NRXN3: variants seen among roughly 807,000 people sequenced by gnomAD.
NRXN3 encodes neurexin 3.
A neutral mutation model predicts 137.6 loss-of-function variants in NRXN3; 32 were observed. The observed-to-expected ratio is 0.23, with a 90% CI of 0.18 to 0.31. The LOEUF is 0.31. Ranked by LOEUF, NRXN3 falls within the 10% of genes least tolerant of loss-of-function variation. NRXN3 has a pLI of 1.00. For synonymous variants in NRXN3, 798 were observed against 784.5 expected (o/e 1.02, Z -0.29); for missense variants, 1,574 against 2,062.5 (o/e 0.76, Z 4.59).
chr14:78,874,034 C>T (rs1015186097), intron 10 of NRXN3, among the ~76,000 whole-genome samples: 2 of 150,176 alleles, frequency 1.3e-5, no homozygotes, highest in South Asian at 2.1e-4. Context: ...TGCAGTGGCA[C>T]GATCTCAGCT....
intron 15 of NRXN3, among the ~76,000 whole-genome samples, chr14:79,136,255 A>G (rs2058215821): frequency 6.6e-6 from 1 of 152,178 alleles, no homozygotes; most frequent in Non-Finnish European, 1.5e-5. Flanking sequence ...ACATTCGTTC[A>G]TGTTCTTTGA....
chr14:78,171,330 G>C (rs1224623520), intron 1 of NRXN3, among the ~76,000 whole-genome samples: 2 of 145,622 alleles, frequency 1.4e-5, no homozygotes, highest in Non-Finnish European at 3.0e-5. Context: ...TGAAAAGGGA[G>C]TGTGTGTGTG....
intron 17 of NRXN3, among the ~76,000 whole-genome samples, chr14:79,673,665 C>T (rs925953597): frequency 1.1e-4 from 16 of 152,058 alleles, no homozygotes; most frequent in Non-Finnish European, 2.2e-4. Flanking sequence ...AACATTTGTT[C>T]CACATCTACT....
intron 8 of NRXN3, among the ~76,000 whole-genome samples, chr14:78,769,929 G>A (rs912797599): frequency 6.6e-6 from 1 of 151,782 alleles, no homozygotes; most frequent in African/African-American, 2.4e-5. Context: ...TGGAAACACA[G>A]GTTTTTGCTT....
chr14:78,297,853 T>A lies in NRXN3; in HGVS notation c.750T>A (p.Ser250Arg), dbSNP rs1199633404. ...CAGGCCTCTCCCACCTCATGATGAG[T>A]GAACAAGGTAGGTGCTTTGTGCTTG... ...QDPGLSHLMM[S>R]EQAREENVAT... The change falls in exon 4 of 21, where the codon AGT (serine) becomes AGA (arginine). Residue 250 changes from serine (S) to arginine (R), a missense_variant. Physicochemically the swap from Ser to Arg is moderately radical, Grantham distance 110. This residue lies in a region of NRXN3 where 400 missense variants were observed against 527.3 expected (regional missense o/e 0.76). Transcript: ENST00000335750. The A allele has an allele frequency of 1.2e-5, 19 of 1,536,306 alleles. No homozygotes were observed. Among genetic ancestry groups the A allele is most frequent in the Non-Finnish European group, 1.6e-5 (18 of 1,146,864 alleles).
chr14:78,406,973 A>G (rs1306177446), intron 4 of NRXN3, among the ~76,000 whole-genome samples: 1 of 152,176 alleles, frequency 6.6e-6, no homozygotes, highest in Non-Finnish European at 1.5e-5. Flanking sequence ...CTCGGGTCCT[A>G]AAAGTCAACA....
At chr14:79,351,188 G>A (rs967144569) in intron 15 of NRXN3, among the ~76,000 whole-genome samples, 14 of 152,138 alleles carry the variant, frequency 9.2e-5, no homozygotes, top group South Asian at 2.1e-4. Flanking sequence ...ATAATGTAAC[G>A]AAGGTTATAA....
intron 15 of NRXN3, among the ~76,000 whole-genome samples, chr14:79,286,500 A>G (rs1052012033): frequency 2.0e-5 from 3 of 149,386 alleles, no homozygotes; most frequent in African/African-American, 7.3e-5. Flanking sequence ...ACTTCATGAC[A>G]TGGTTATGAA....
chr14:79,636,549 A>C (rs2153950300), intron 16 of NRXN3, among the ~76,000 whole-genome samples: 1 of 152,276 alleles, frequency 6.6e-6, no homozygotes, highest in South Asian at 2.1e-4. Flanking sequence ...CAGGCACCTA[A>C]CCCAGGGCAA....
At chr14:78,425,869 A>C (rs764316297) in intron 4 of NRXN3, among the ~76,000 whole-genome samples, 1 of 152,166 alleles carries the variant, frequency 6.6e-6, no homozygotes, top group Non-Finnish European at 1.5e-5. Context: ...ATTAATAGGA[A>C]ATTAGCTGTG....
intron 1 of NRXN3, among the ~76,000 whole-genome samples, chr14:78,173,238 G>A (rs2058911182): frequency 6.6e-6 from 1 of 151,064 alleles, no homozygotes; most frequent in Non-Finnish European, 1.5e-5. Context: ...CCTTTCTCTC[G>A]CTCCTGGAAA....
chr14:79,637,729 CTTTT>C (rs554654576), intron 16 of NRXN3, among the ~76,000 whole-genome samples: 6 of 95,600 alleles, frequency 6.3e-5, no homozygotes, highest in Non-Finnish European at 9.8e-5. Flanking sequence ...TAGAAAAGTT[CTTTT>C]TTTTTTTTTT....
intron 2 of NRXN3, among the ~76,000 whole-genome samples, chr14:78,276,009 C>G (rs998176217): frequency 1.1e-4 from 16 of 152,168 alleles, no homozygotes; most frequent in Non-Finnish European, 1.5e-5. Flanking sequence ...GGCCAGGGGC[C>G]AGGTGATAAT....
In NRXN3 at chr14:78,495,084, CT is replaced by C. The variant is rs5809891; in HGVS notation, c.758-150021del. 5.0e-3 allele frequency among the ~76,000 whole-genome samples: 584 copies of C among 115,816 alleles called. 6 individuals carry two copies. The highest frequency in any genetic ancestry group is 0.01 in the African/African-American group (325 of 31,000). The allele number at this position is 115,816 out of a possible 152,430, so 76.0% of individuals were successfully genotyped here. A position where few individuals can be genotyped will look rare whatever the true frequency, so the allele number is the denominator to read the frequency against. On this transcript the variant is annotated intron_variant, in intron 4 of 20. Transcript: ENST00000335750. ...TACCCTGGGGAAAAAATATTCTTGA[CT>C]TTTTTTTTTTTTTTGTCAAACTGTT...
chr14:79,565,340 T>C (rs184862270), intron 16 of NRXN3, among the ~76,000 whole-genome samples: 1,890 of 124,952 alleles, frequency 0.015, 42 homozygotes, highest in African/African-American at 0.051. Flanking sequence ...TATATATACA[T>C]ATGTGTGCGT....
intron 15 of NRXN3, among the ~76,000 whole-genome samples, chr14:79,137,700 G>A (rs1037448452): frequency 7.9e-5 from 12 of 152,108 alleles, no homozygotes; most frequent in Non-Finnish European, 1.0e-4. Context: ...AGATAGTAAG[G>A]CTTAGACCTT....
At chr14:79,426,904 G>A (rs1439834923) in intron 15 of NRXN3, among the ~76,000 whole-genome samples, 1 of 152,106 alleles carries the variant, frequency 6.6e-6, no homozygotes, top group Non-Finnish European at 1.5e-5. Context: ...TCTCCCCTGG[G>A]TGTTTTATTC....
intron 15 of NRXN3, among the ~76,000 whole-genome samples, chr14:79,056,118 C>T (rs1720033394): frequency 6.6e-6 from 1 of 152,092 alleles, no homozygotes; most frequent in Non-Finnish European, 1.5e-5. Context: ...CAGGTAATGG[C>T]AGTAGGAATG....
intron 15 of NRXN3, among the ~76,000 whole-genome samples, chr14:79,373,461 G>T (rs751725284): frequency 6.6e-6 from 1 of 152,140 alleles, no homozygotes; most frequent in South Asian, 2.1e-4. Context: ...AAATGAAAAC[G>T]TGGCAATAAA....
Sources: gnomAD v4.1 joint callset for allele counts (sites outside exome capture counted in the v4.1 genomes callset) on GRCh38, gnomAD v4.1.1 for gene constraint, gnomAD v4.1.1 regional missense constraint, MANE v1.5 for transcripts, NCBI Gene and HGNC (gene_info 2026-07-23, HGNC 2026-07-21) for gene names.